The following SLC13A1 variants were observed in gnomAD, a reference collection of about 807,000 sequenced individuals.
SLC13A1 encodes the protein Na(+)/sulfate cotransporter.
SLC13A1 carries 65 observed loss-of-function variants against 70.0 expected under a neutral mutation model. That is an observed-to-expected ratio of 0.93 (90% CI 0.76 to 1.14). The LOEUF (loss-of-function observed/expected upper bound fraction) is 1.14. SLC13A1 is among the 50% of genes most tolerant of loss of function. SLC13A1 has a pLI of 0.00. For missense variants in SLC13A1, 726 were observed against 717.8 expected (o/e 1.01, Z -0.13); for synonymous variants, 275 against 250.5 (o/e 1.10, Z -0.92).
rs76058322 is a variant in SLC13A1, at chr7:123,179,782, C to T, written c.228+1191G>A. ...GTTAATTTAGTCAGTTTTATTGTTA[C>T]TAAACCATAACAGACAAAGGTATAA... is the stretch of plus-strand genomic sequence containing the variant. On this transcript the variant is annotated intron_variant, in intron 2 of 14. Transcript: ENST00000194130. Among the ~76,000 whole-genome samples the T allele has an allele frequency of 8.5e-3, 1,283 of 150,900 alleles. 19 individuals are homozygous for T. The highest frequency in any genetic ancestry group is 0.029 in the African/African-American group (1,189 of 41,250).
intron 7 of SLC13A1, among the ~76,000 whole-genome samples, chr7:123,143,150 A>T (rs1794219185): frequency 6.6e-6 from 1 of 152,052 alleles, no homozygotes; most frequent in Non-Finnish European, 1.5e-5. Flanking sequence ...AGCAGTAGGA[A>T]GGAGTCTTTT....
intron 6 of SLC13A1, among the ~76,000 whole-genome samples, chr7:123,167,213 T>A: frequency 6.6e-6 from 1 of 152,224 alleles, no homozygotes. Context: ...CAAAGGATTA[T>A]AAATCAGGCA....
intron 1 of SLC13A1, among the ~76,000 whole-genome samples, chr7:123,186,975 A>AG (rs982613941): frequency 2.0e-5 from 3 of 151,572 alleles, no homozygotes; most frequent in African/African-American, 7.3e-5. Flanking sequence ...AAGAGAAAAG[A>AG]GGGGAAAAAA....
chr7:123,141,855 A>C (rs1794162138), intron 7 of SLC13A1, among the ~76,000 whole-genome samples: 1 of 152,122 alleles, frequency 6.6e-6, no homozygotes. Context: ...GCAACTGTCC[A>C]ATAGATCTTG....
intron 11 of SLC13A1, among the ~76,000 whole-genome samples, chr7:123,124,451 T>TC (rs1282125332): frequency 2.0e-5 from 3 of 152,186 alleles, no homozygotes; most frequent in Non-Finnish European, 4.4e-5. Flanking sequence ...GTCCTGGAAA[T>TC]CTGATACATT....
At position 123,140,884 on chromosome 7, in the gene SLC13A1, A is replaced by AT. The variant is rs1418768638; in HGVS notation, c.812+6274dup. Reference sequence around the variant, plus strand: ...TTTAAAAAAAGAAAAGTTTTCATTGATTTTTTTGGTATTGTTTTCTTTATT... The same window carrying AT: ...TTTAAAAAAAGAAAAGTTTTCATTGATTTTTTTTGGTATTGTTTTCTTTATT... On this transcript the variant is annotated intron_variant, in intron 7 of 14. Transcript: ENST00000194130. Among the ~76,000 whole-genome samples the AT allele has an allele frequency of 4.6e-5, 7 of 151,908 alleles. No individual in the cohort carries two copies. In the East Asian group the frequency reaches 7.7e-4, roughly 17 times the overall value.
intron 2 of SLC13A1, among the ~76,000 whole-genome samples, chr7:123,172,580 CA>C (rs1229751903): frequency 6.6e-6 from 1 of 152,170 alleles, no homozygotes; most frequent in Admixed American, 6.5e-5. Context: ...GAGATCGTGC[CA>C]TTGCACTCTA....
chr7:123,129,875 G>A (rs947914761), intron 8 of SLC13A1, among the ~76,000 whole-genome samples: 1 of 152,020 alleles, frequency 6.6e-6, no homozygotes, highest in Non-Finnish European at 1.5e-5. Flanking sequence ...GTGTATCTTG[G>A]TTGTTAATTC....
chr7:123,171,947 A>T, intron 2 of SLC13A1, 43 bp from the exon 3 acceptor site: 2 of 1,581,026 alleles, frequency 1.3e-6, no homozygotes, highest in Non-Finnish European at 1.7e-6. Context: ...TTTGGTGGGG[A>T]AAAATAACAT....
chr7:123,172,750 T>C (rs1006025524), intron 2 of SLC13A1, among the ~76,000 whole-genome samples: 1 of 152,202 alleles, frequency 6.6e-6, no homozygotes, highest in Non-Finnish European at 1.5e-5. Flanking sequence ...TTTGCAGCAG[T>C]ATTTCTTAAA....
chr7:123,143,877 C>T (rs1009280662), intron 7 of SLC13A1, among the ~76,000 whole-genome samples: 3 of 152,078 alleles, frequency 2.0e-5, no homozygotes, highest in African/African-American at 7.2e-5. Flanking sequence ...TGTTAAGCCA[C>T]TAAGTTGATT....
intron 4 of SLC13A1, 34 bp from the exon 5 acceptor site, chr7:123,168,595 A>T (rs1712484488): frequency 2.0e-6 from 3 of 1,503,716 alleles, no homozygotes; most frequent in Non-Finnish European, 1.8e-6. Flanking sequence ...AAACAATTTA[A>T]ATAAGGGATT....
intron 6 of SLC13A1, among the ~76,000 whole-genome samples, chr7:123,162,838 T>A (rs1232670749): frequency 6.6e-6 from 1 of 152,116 alleles, no homozygotes; most frequent in Admixed American, 6.6e-5. Context: ...ACCCCTAAAC[T>A]AAACAATACC....
chr7:123,148,948 G>A (rs1482450870), intron 6 of SLC13A1, among the ~76,000 whole-genome samples: 1 of 152,116 alleles, frequency 6.6e-6, no homozygotes, highest in Non-Finnish European at 1.5e-5. Flanking sequence ...ATTTTAAAAT[G>A]GTATTAGTAC....
chr7:123,134,042 G>A (rs972016669), intron 8 of SLC13A1, among the ~76,000 whole-genome samples: 15 of 151,724 alleles, frequency 9.9e-5, no homozygotes. Flanking sequence ...TGTTTTGTTT[G>A]TTGATTGGTT....
chr7:123,198,578 G>A (rs187881815), intron 1 of SLC13A1, among the ~76,000 whole-genome samples: 18 of 152,064 alleles, frequency 1.2e-4, no homozygotes, highest in African/African-American at 3.9e-4. Context: ...GCCACAGCAG[G>A]GGCCAGTCCC....
chr7:123,162,559 C>T (rs975286062), intron 6 of SLC13A1, among the ~76,000 whole-genome samples: 2 of 152,070 alleles, frequency 1.3e-5, no homozygotes, highest in African/African-American at 2.4e-5. Context: ...CTTTGCCATC[C>T]AACTTCTCCC....
chr7:123,170,368 G>A (rs1184048372), intron 3 of SLC13A1, among the ~76,000 whole-genome samples: 1 of 152,104 alleles, frequency 6.6e-6, no homozygotes. Context: ...ACTTCTTAAG[G>A]CATTGTCAAA....
At chr7:123,184,781 A>C (rs896273267) in intron 1 of SLC13A1, among the ~76,000 whole-genome samples, 4 of 152,070 alleles carry the variant, frequency 2.6e-5, no homozygotes, top group Non-Finnish European at 5.9e-5. Flanking sequence ...AGCAATAAAC[A>C]TGGGAGTGCA....
Sources: gnomAD v4.1 joint callset for allele counts (sites outside exome capture counted in the v4.1 genomes callset) on GRCh38, gnomAD v4.1.1 for gene constraint, MANE v1.5 for transcripts, NCBI Gene and HGNC (gene_info 2026-07-23, HGNC 2026-07-21) for gene names.